The following THSD7B variants were observed in gnomAD, a reference collection of about 807,000 sequenced individuals.
THSD7B encodes the protein thrombospondin type 1 domain containing 7B, also known as thrombospondin type-1 domain-containing protein 7B.
In THSD7B, 138 loss-of-function variants were observed where a neutral mutation model predicts 213.6. The observed-to-expected ratio is 0.65, with a 90% CI of 0.56 to 0.74. THSD7B has a LOEUF of 0.74. Ranked by LOEUF, THSD7B falls within the 30% of genes least tolerant of loss-of-function variation. THSD7B has a pLI of 0.00. For synonymous variants in THSD7B, 742 were observed against 687.0 expected (o/e 1.08, Z -1.25); for missense variants, 1,931 against 1,991.5 (o/e 0.97, Z 0.58).
chr2:136,936,831 T>A (rs1000573503), intron 2 of THSD7B, among the ~76,000 whole-genome samples: 15 of 151,964 alleles, frequency 9.9e-5, no homozygotes, highest in South Asian at 2.1e-4. Context: ...TAATTTTTTT[T>A]AAAAAAAGAA....
intron 17 of THSD7B, among the ~76,000 whole-genome samples, chr2:137,611,682 C>A (rs13386321): frequency 0.03 from 4,564 of 152,182 alleles, 242 homozygotes; most frequent in African/African-American, 0.1. Context: ...ATTTGGATGA[C>A]TAAGACTAAC....
intron 1 of THSD7B, among the ~76,000 whole-genome samples, chr2:136,787,214 A>G (rs12987519): frequency 0.14 from 21,659 of 151,934 alleles, 2,258 homozygotes; most frequent in Non-Finnish European, 0.22. Context: ...AAGAAGCTTC[A>G]AAAATTGAAG....
chr2:137,286,776 A>G lies in THSD7B; in HGVS notation c.2500+10750A>G, dbSNP rs1415514032. Among the ~76,000 whole-genome samples, 4 of 152,150 alleles carry G rather than the reference A, an allele frequency of 2.6e-5. No individual in the cohort carries two copies. The East Asian group carries it at 7.7e-4, about 29-fold the overall frequency. ...TCTATTTACTTCGAGGTTTGGACAA[A>G]AATGAGCTACCTTATCCACGAGCTA... is the stretch of plus-strand genomic sequence containing the variant. On this transcript the variant is annotated intron_variant, in intron 12 of 27. Transcript: ENST00000409968.
intron 12 of THSD7B, among the ~76,000 whole-genome samples, chr2:137,276,951 G>A (rs941833085): frequency 3.3e-5 from 5 of 151,998 alleles, no homozygotes; most frequent in African/African-American, 1.2e-4. Context: ...ATCTACAGTG[G>A]CTTTGTGTAA....
At chr2:137,573,862 C>T (rs1016870717) in intron 17 of THSD7B, among the ~76,000 whole-genome samples, 5 of 152,046 alleles carry the variant, frequency 3.3e-5, no homozygotes, top group South Asian at 2.1e-4. Context: ...CTTATATTCT[C>T]GGCCCAGTTA....
At chr2:137,312,882 T>G (rs1419550066) in intron 12 of THSD7B, among the ~76,000 whole-genome samples, 29 of 151,564 alleles carry the variant, frequency 1.9e-4, no homozygotes, top group Admixed American at 2.6e-4. Flanking sequence ...TAGTTTGTTA[T>G]AATTTCTGTT....
intron 7 of THSD7B, among the ~76,000 whole-genome samples, chr2:137,222,522 T>G (rs967688116): frequency 6.6e-6 from 1 of 152,202 alleles, no homozygotes; most frequent in African/African-American, 2.4e-5. Flanking sequence ...GTTTCCATAT[T>G]AAGTAGATGT....
intron 27 of THSD7B, among the ~76,000 whole-genome samples, chr2:137,669,693 C>T (rs1162531767): frequency 6.6e-6 from 1 of 152,012 alleles, no homozygotes; most frequent in Non-Finnish European, 1.5e-5. Flanking sequence ...GATAGTCTAT[C>T]GGTCTATAAA....
At chr2:137,093,673 G>A (rs1004104119) in intron 3 of THSD7B, among the ~76,000 whole-genome samples, 1 of 152,092 alleles carries the variant, frequency 6.6e-6, no homozygotes, top group Non-Finnish European at 1.5e-5. Flanking sequence ...CTGCCTTACC[G>A]GGGGTTCATC....
chr2:137,676,634 C>A lies in THSD7B; in HGVS notation c.*29C>A. On this transcript the variant is annotated 3_prime_UTR_variant, in exon 28 of 28. Coordinates refer to ENST00000409968, the MANE Select transcript of THSD7B (RefSeq NM_001316349.2). ...GAAAAAGAAATCCAAATGTAGACAT[C>A]AACTGCCTTAACCGCTTTCTCTTTT... 6.5e-7 allele frequency: 1 copy of A among 1,528,996 alleles called. No individual in the cohort carries two copies. The highest frequency in any genetic ancestry group is 8.8e-7 in the Non-Finnish European group (1 of 1,140,828). The allele number at this position is 1,528,996 out of a possible 1,614,324, so 94.7% of individuals were successfully genotyped here. A position where few individuals can be genotyped will look rare whatever the true frequency, so the allele number is the denominator to read the frequency against.
intron 2 of THSD7B, among the ~76,000 whole-genome samples, chr2:136,908,239 G>A (rs1684199632): frequency 6.6e-6 from 1 of 152,110 alleles, no homozygotes; most frequent in African/African-American, 2.4e-5. Context: ...ATTATATTAA[G>A]AATTTTCACA....
In THSD7B at chr2:136,903,922, TGAG is replaced by T. The variant is rs1472872166; in HGVS notation, c.139+21607_139+21609del. On this transcript the variant is annotated intron_variant, in intron 2 of 27. Coordinates refer to ENST00000409968, the MANE Select transcript of THSD7B (RefSeq NM_001316349.2). ...CTCAGTACCCAGCAGAGTCTTCCTGTGAGGTGTGTGTGTGTGTGTGTGTGTGTG... is the reference window on the plus strand; with the variant it reads ...CTCAGTACCCAGCAGAGTCTTCCTGTGTGTGTGTGTGTGTGTGTGTGTGTG... Among the ~76,000 whole-genome samples the T allele has an allele frequency of 1.7e-3, 231 of 132,986 alleles. 1 individual carries two copies. Among genetic ancestry groups the T allele is most frequent in the South Asian group, 5.2e-3 (19 of 3,668 alleles). The allele number at this position is 132,986 out of a possible 152,430, so 87.2% of individuals were successfully genotyped here.
At chr2:137,628,316 A>C (rs555229390) in intron 20 of THSD7B, among the ~76,000 whole-genome samples, 1 of 152,358 alleles carries the variant, frequency 6.6e-6, no homozygotes, top group Non-Finnish European at 1.5e-5. Context: ...TGTTCTAAAA[A>C]TGAATATCTG....
At chr2:137,457,961 A>T (rs1687794357) in intron 15 of THSD7B, among the ~76,000 whole-genome samples, 1 of 152,222 alleles carries the variant, frequency 6.6e-6, no homozygotes, top group Admixed American at 6.5e-5. Context: ...CTGGGAATTT[A>T]ACCATGTCAA....
intron 2 of THSD7B, among the ~76,000 whole-genome samples, chr2:137,027,549 C>T (rs1434479569): frequency 6.6e-6 from 1 of 152,326 alleles, no homozygotes; most frequent in East Asian, 1.9e-4. Flanking sequence ...AGGTAATCCT[C>T]ACTGAAGAAG....
intron 15 of THSD7B, among the ~76,000 whole-genome samples, chr2:137,530,806 T>G (rs1327607581): frequency 6.6e-6 from 1 of 152,020 alleles, no homozygotes. Context: ...TAGTACCTCT[T>G]ACTAGAATTG....
chr2:137,102,063 A>G (rs971998484), intron 4 of THSD7B, among the ~76,000 whole-genome samples: 1 of 152,222 alleles, frequency 6.6e-6, no homozygotes, highest in Non-Finnish European at 1.5e-5. Context: ...TGTCTCCTCA[A>G]GTGGGTCCCT....
intron 2 of THSD7B, among the ~76,000 whole-genome samples, chr2:136,999,301 A>G (rs979943450): frequency 6.6e-6 from 1 of 152,172 alleles, no homozygotes; most frequent in Non-Finnish European, 1.5e-5. Context: ...ACTTTTAGAA[A>G]TTCCTGGTGA....
chr2:137,316,243 T>C (rs1684096311), intron 12 of THSD7B, among the ~76,000 whole-genome samples: 1 of 152,238 alleles, frequency 6.6e-6, no homozygotes, highest in East Asian at 1.9e-4. Context: ...AATGAATCTG[T>C]AAAACTAGGA....
Sources: allele counts gnomAD v4.1 joint callset (sites outside exome capture counted in the v4.1 genomes callset), GRCh38; gene constraint gnomAD v4.1.1; transcripts MANE v1.5; gene names NCBI Gene and HGNC (gene_info 2026-07-23, HGNC 2026-07-21).